GRIA3: variants seen among roughly 807,000 people sequenced by gnomAD.
The protein encoded by GRIA3 is glutamate receptor 3.
In GRIA3, 3 loss-of-function variants were observed where a neutral mutation model predicts 63.0. The observed-to-expected ratio is 0.05, with a 90% confidence interval of 0.02 to 0.12. GRIA3 has a LOEUF of 0.12. Ranked by LOEUF, GRIA3 falls within the 10% of genes least tolerant of loss-of-function variation. GRIA3 has a pLI of 1.00. For missense variants in GRIA3, 347 were observed against 700.9 expected, an observed-to-expected ratio of 0.50 and a Z score of 5.70; for synonymous variants, 274 against 257.9, an observed-to-expected ratio of 1.06 and a Z score of -0.60.
intron 3 of GRIA3, among the ~76,000 whole-genome samples, chrX:123,319,035 C>G (rs777374354): frequency 9.0e-6 from 1 of 111,630 alleles, no homozygotes; most frequent in African/African-American, 3.3e-5. Flanking sequence ...CCCTGATAAA[C>G]CCATCAGATC....
At chrX:123,454,946 G>C (rs1463488068) in intron 12 of GRIA3, among the ~76,000 whole-genome samples, 4 of 111,868 alleles carry the variant, frequency 3.6e-5, no homozygotes, top group South Asian at 3.7e-4. Flanking sequence ...AGGAAACTTA[G>C]CTGATTGTCA....
chrX:123,256,550 C>T (rs1327644294), intron 3 of GRIA3, among the ~76,000 whole-genome samples: 1 of 111,308 alleles, frequency 9.0e-6, no homozygotes, highest in Non-Finnish European at 1.9e-5. Flanking sequence ...AAGGTCATGT[C>T]GTATGGTTGA....
intron 2 of GRIA3, among the ~76,000 whole-genome samples, chrX:123,189,229 A>T (rs1270222511): frequency 8.9e-6 from 1 of 112,369 alleles, no homozygotes; most frequent in Non-Finnish European, 1.9e-5. Context: ...TAACCCCAGA[A>T]CCAAGAGTGG....
chrX:123,253,715 T>G (rs2044403656), intron 3 of GRIA3, 173 bp downstream of exon 3: 1 of 492,043 alleles, frequency 2.0e-6, no homozygotes, highest in Non-Finnish European at 3.3e-6. Context: ...AATAGTAATT[T>G]TAGAACCTAA....
intron 2 of GRIA3, chrX:123,204,657 T>C (rs1279282265): frequency 1.2e-5 from 13 of 1,060,045 alleles, no homozygotes; most frequent in Non-Finnish European, 1.6e-5. Flanking sequence ...GAGAGGTTAA[T>C]AAAGGAACAT....
chrX:123,308,115 G>T (rs1346458163), intron 3 of GRIA3, among the ~76,000 whole-genome samples: 1 of 111,668 alleles, frequency 9.0e-6, no homozygotes, highest in African/African-American at 3.3e-5. Context: ...CACTGTTCAT[G>T]TCCCATCCAT....
chrX:123,204,138 G>A (rs1261010991), intron 2 of GRIA3, among the ~76,000 whole-genome samples: 1 of 111,906 alleles, frequency 8.9e-6, no homozygotes, highest in Non-Finnish European at 1.9e-5. Flanking sequence ...AACTATAATG[G>A]CGTATTTGCA....
At chrX:123,425,355 A>G (rs1334826997) in intron 11 of GRIA3, among the ~76,000 whole-genome samples, 1 of 111,840 alleles carries the variant, frequency 8.9e-6, no homozygotes, top group African/African-American at 3.2e-5. Context: ...AACCATAGGG[A>G]TAGAGAATTA....
At position 123,225,943 on chromosome X, in the gene GRIA3, T is replaced by C. The variant is rs766366510; in HGVS notation, c.269-27360T>C. Among the ~76,000 whole-genome samples, 291 of 111,894 alleles carry C rather than the reference T, an allele frequency of 2.6e-3. 1 individual carries two copies. The highest frequency in any genetic ancestry group is 0.023 in the Middle Eastern group (5 of 216). On this transcript the variant is annotated intron_variant, in intron 2 of 15. Coordinates refer to ENST00000620443, the MANE Select transcript of GRIA3 (RefSeq NM_007325.5). ...ATTTCATTCATGAAATCCCAAAAGA[T>C]TATCTTTCACAGTGAACCCACAGTA...
chrX:123,425,156 G>C (rs1002051582), intron 11 of GRIA3, among the ~76,000 whole-genome samples: 1 of 111,647 alleles, frequency 9.0e-6, no homozygotes, highest in Non-Finnish European at 1.9e-5. Flanking sequence ...GAGAAAATTT[G>C]TACCTTCTAT....
intron 3 of GRIA3, among the ~76,000 whole-genome samples, chrX:123,283,463 C>G (rs1014977451): frequency 3.6e-5 from 4 of 111,676 alleles, no homozygotes; most frequent in Non-Finnish European, 7.5e-5. Flanking sequence ...CAGACCCCAC[C>G]CTCATGGAGC....
intron 3 of GRIA3, among the ~76,000 whole-genome samples, chrX:123,307,139 G>A (rs982560996): frequency 1.8e-5 from 2 of 111,778 alleles, no homozygotes; most frequent in Non-Finnish European, 3.8e-5. Context: ...CAGTTTACAA[G>A]TCTTTCATTT....
chrX:123,343,465 G>A (rs1342545537), intron 4 of GRIA3, among the ~76,000 whole-genome samples: 1 of 111,138 alleles, frequency 9.0e-6, no homozygotes, highest in East Asian at 2.8e-4. Context: ...TTTTAAATAG[G>A]CCATCTTCTA....
intron 4 of GRIA3, among the ~76,000 whole-genome samples, chrX:123,335,597 A>G (rs755034345): frequency 8.9e-6 from 1 of 111,970 alleles, no homozygotes; most frequent in Non-Finnish European, 1.9e-5. Context: ...TAAGGCTGGT[A>G]TCTTATTCCA....
At chrX:123,209,342 C>T (rs1927978173) in intron 2 of GRIA3, among the ~76,000 whole-genome samples, 1 of 112,018 alleles carries the variant, frequency 8.9e-6, no homozygotes, top group Non-Finnish European at 1.9e-5. Context: ...GATTTAAGTA[C>T]ATTTTCAGCC....
At chrX:123,243,490 A>C (rs902563841) in intron 2 of GRIA3, among the ~76,000 whole-genome samples, 1 of 111,465 alleles carries the variant, frequency 9.0e-6, no homozygotes, top group Non-Finnish European at 1.9e-5. Context: ...GGGCCTTGTC[A>C]CATGCTAGTC....
chrX:123,336,108 A>T (rs1357575737), intron 4 of GRIA3, among the ~76,000 whole-genome samples: 1 of 112,176 alleles, frequency 8.9e-6, no homozygotes, highest in Non-Finnish European at 1.9e-5. Context: ...TACAAAAGCA[A>T]CACAAAAGCT....
At chrX:123,293,854 T>A (rs1407971444) in intron 3 of GRIA3, among the ~76,000 whole-genome samples, 2 of 110,736 alleles carry the variant, frequency 1.8e-5, no homozygotes, top group Admixed American at 9.6e-5. Flanking sequence ...ATTATTATCT[T>A]CCAATTTTAT....
chrX:123,376,560 A>T (rs1484781476), intron 5 of GRIA3, among the ~76,000 whole-genome samples: 4 of 112,715 alleles, frequency 3.5e-5, no homozygotes. Flanking sequence ...GAACCATGTT[A>T]GAAAGGAAAC....
Sources: gnomAD v4.1 joint callset for allele counts (sites outside exome capture counted in the v4.1 genomes callset) on GRCh38, gnomAD v4.1.1 for gene constraint, MANE v1.5 for transcripts, NCBI Gene and HGNC (gene_info 2026-07-23, HGNC 2026-07-21) for gene names.